ELAPOR2: variants seen among roughly 807,000 people sequenced by gnomAD.
ELAPOR2 encodes the protein endosome/lysosome-associated apoptosis and autophagy regulator family member 2.
In ELAPOR2, 89 loss-of-function variants were observed where a neutral mutation model predicts 120.7. The observed-to-expected ratio is 0.74, with a 90% confidence interval of 0.62 to 0.88. ELAPOR2 has a LOEUF of 0.88. ELAPOR2 is among the 40% of genes least tolerant of loss of function. The pLI is 0.00. For missense variants in ELAPOR2, 1,134 were observed against 1,251.6 expected, an observed-to-expected ratio of 0.91 and a Z score of 1.42; for synonymous variants, 444 against 444.9, an observed-to-expected ratio of 1.00 and a Z score of 0.03.
rs142964086 is a variant in ELAPOR2 at position 87,008,389 on chromosome 7, T to C, written c.190-43365A>G. 1.4e-4 allele frequency among the ~76,000 whole-genome samples: 22 copies of C among 152,314 alleles called. No individual in the cohort carries two copies. The East Asian group carries it at 3.9e-3, about 27-fold the overall frequency. The stretch of plus-strand genomic sequence containing the variant: ...ATGCAATGTGAGATCTTAGGCTGCA[T>C]CCTGGATTGGGGAGAAAATAGTTAT... On this transcript the variant is annotated intron_variant, in intron 1 of 21. Coordinates refer to ENST00000450689, the MANE Select transcript of ELAPOR2 (RefSeq NM_001142749.3).
chr7:86,920,541 G>C (rs944521331), intron 10 of ELAPOR2, among the ~76,000 whole-genome samples: 1 of 152,138 alleles, frequency 6.6e-6, no homozygotes, highest in Non-Finnish European at 1.5e-5. Flanking sequence ...CATGAGGAGG[G>C]ATAGAATAGC....
intron 1 of ELAPOR2, among the ~76,000 whole-genome samples, chr7:86,973,615 G>A (rs544209151): frequency 6.6e-6 from 1 of 152,264 alleles, no homozygotes; most frequent in African/African-American, 2.4e-5. Context: ...ACTCTGGTAA[G>A]TGTTCCTGCA....
chr7:86,892,326 C>G (rs547910781), intron 20 of ELAPOR2, among the ~76,000 whole-genome samples: 29 of 151,948 alleles, frequency 1.9e-4, no homozygotes, highest in Middle Eastern at 3.2e-3. Flanking sequence ...TACTATCACC[C>G]CAGATATTGC....
intron 1 of ELAPOR2, among the ~76,000 whole-genome samples, chr7:87,006,453 C>G (rs2116648388): frequency 6.6e-6 from 1 of 152,060 alleles, no homozygotes; most frequent in East Asian, 1.9e-4. Flanking sequence ...CAGCAAACCA[C>G]TATGGCACAT....
chr7:87,048,298 A>T (rs1795011607), intron 1 of ELAPOR2, among the ~76,000 whole-genome samples: 1 of 152,182 alleles, frequency 6.6e-6, no homozygotes, highest in South Asian at 2.1e-4. Flanking sequence ...CTATTCAGAC[A>T]TAAAAAAAGA....
At chr7:86,976,043 T>A (rs1583934124) in intron 1 of ELAPOR2, among the ~76,000 whole-genome samples, 1 of 152,248 alleles carries the variant, frequency 6.6e-6, no homozygotes, top group East Asian at 1.9e-4. Flanking sequence ...GATATCCATG[T>A]GCTTTTTTTC....
rs553742116 is a variant in ELAPOR2, at chr7:86,878,290, T to C, written c.*2181A>G. 1 of 152,322 alleles carries C rather than the reference T, an allele frequency of 6.6e-6. No individual in the cohort carries two copies. The highest frequency in any genetic ancestry group is 2.1e-4 in the South Asian group (1 of 4,830). 9.4% of individuals were successfully genotyped at this position (152,322 alleles called of 1,614,324 possible). On this transcript the variant is annotated 3_prime_UTR_variant, in exon 22 of 22. Transcript: ENST00000450689. ...TATTCTTTCTGTCATACTTCTTCAGTGCTTGAAATAAAATGACAAACCACT... is the reference window on the plus strand; with the variant it reads ...TATTCTTTCTGTCATACTTCTTCAGCGCTTGAAATAAAATGACAAACCACT...
intron 1 of ELAPOR2, among the ~76,000 whole-genome samples, chr7:86,990,009 A>C (rs1288102917): frequency 6.6e-6 from 1 of 151,552 alleles, no homozygotes; most frequent in Non-Finnish European, 1.5e-5. Flanking sequence ...CGCCTTTAAG[A>C]GGTGATTGGA....
chr7:87,034,304 A>G (rs893403436), intron 1 of ELAPOR2, among the ~76,000 whole-genome samples: 1 of 152,172 alleles, frequency 6.6e-6, no homozygotes, highest in African/African-American at 2.4e-5. Flanking sequence ...GAGTGAGTTA[A>G]TAAATAAAAA....
chr7:87,012,340 G>A (rs537591094), intron 1 of ELAPOR2, among the ~76,000 whole-genome samples: 50 of 152,268 alleles, frequency 3.3e-4, no homozygotes, highest in Non-Finnish European at 4.7e-4. Context: ...AACCCAGGAG[G>A]TGGAGGTTGC....
At chr7:86,982,596 G>A (rs1792546543) in intron 1 of ELAPOR2, among the ~76,000 whole-genome samples, 1 of 152,194 alleles carries the variant, frequency 6.6e-6, no homozygotes, top group Admixed American at 6.5e-5. Flanking sequence ...TGAGGGACCT[G>A]ACTGTTAGAA....
chr7:87,017,864 C>T lies in ELAPOR2; in HGVS notation c.189+41461G>A, dbSNP rs150865564. 2.7e-3 allele frequency among the ~76,000 whole-genome samples: 409 copies of T among 151,992 alleles called. 1 individual carries two copies. Among genetic ancestry groups the T allele is most frequent in the African/African-American group, 9.5e-3 (392 of 41,474 alleles). ...TGAGTCTGGGAGGCAGAGGTTGCAGCGACCCAGGATCTCACCACCTCATTC... is the reference window on the plus strand; with the variant it reads ...TGAGTCTGGGAGGCAGAGGTTGCAGTGACCCAGGATCTCACCACCTCATTC... On this transcript the variant is annotated intron_variant, in intron 1 of 21. Transcript: ENST00000450689.
At position 86,918,465 on chromosome 7, in the gene ELAPOR2, C is replaced by G; in HGVS notation, c.1570G>C (p.Asp524His). ...TFVFETLCSADCVLYFMVDIN... is the reference protein window; with the variant it reads ...TFVFETLCSAHCVLYFMVDIN... ...ACCACCATGAAGTACAAAACACAGT[C>G]AGCTGAACAGAGGGTCTCAAAGACA... Residue 524 changes from aspartate to histidine, a missense_variant, in exon 12 of 22, where the codon GAC (aspartate) becomes CAC (histidine). Transcript: ENST00000450689. 4 of 1,612,602 alleles carry G rather than the reference C, an allele frequency of 2.5e-6. No homozygotes were observed. The highest frequency in any genetic ancestry group is 1.1e-5 in the South Asian group (1 of 91,020).
At chr7:86,991,954 G>T (rs1236568079) in intron 1 of ELAPOR2, among the ~76,000 whole-genome samples, 2 of 152,240 alleles carry the variant, frequency 1.3e-5, no homozygotes, top group Non-Finnish European at 2.9e-5. Flanking sequence ...CTATAAAGAA[G>T]CCTGGGAAAG....
At chr7:86,881,188 T>C (rs1329164841) in intron 21 of ELAPOR2, among the ~76,000 whole-genome samples, 2 of 151,992 alleles carry the variant, frequency 1.3e-5, no homozygotes, top group African/African-American at 4.8e-5. Context: ...GGAGATGGGA[T>C]TTCTTCCAAC....
intron 12 of ELAPOR2, among the ~76,000 whole-genome samples, chr7:86,917,871 T>A (rs1416640346): frequency 6.6e-6 from 1 of 152,184 alleles, no homozygotes. Context: ...GTTAAACTCT[T>A]AGCCAACAAA....
At chr7:87,013,115 G>C (rs539395860) in intron 1 of ELAPOR2, among the ~76,000 whole-genome samples, 1 of 152,086 alleles carries the variant, frequency 6.6e-6, no homozygotes, top group Non-Finnish European at 1.5e-5. Context: ...ACAAAATGAA[G>C]ATAATATACC....
Position 86,925,639 on chromosome 7 carries a change from C to T in ELAPOR2, c.1288G>A (p.Ala430Thr). The T allele has an allele frequency of 6.2e-7, 1 of 1,611,700 alleles. No homozygotes were observed. ...DGTKECRPCP[A>T]GTEPALGFEY... is the part of the protein sequence containing the mutation. ...AAGCCAAGTGCAGGCTCCGTTCCTGCTGGACATGGTCTACATTCTACAGGA... is the reference window on the plus strand; with the variant it reads ...AAGCCAAGTGCAGGCTCCGTTCCTGTTGGACATGGTCTACATTCTACAGGA... Residue 430 changes from alanine to threonine, a missense_variant, in exon 10 of 22, where the codon GCA becomes ACA. By Grantham distance (58) the Ala-to-Thr change is moderately conservative. This residue lies in a region of ELAPOR2 where 831 missense variants were observed against 867.6 expected (regional missense o/e 0.96). Coordinates refer to ENST00000450689, the MANE Select transcript of ELAPOR2 (RefSeq NM_001142749.3).
intron 1 of ELAPOR2, among the ~76,000 whole-genome samples, chr7:87,014,686 C>A (rs1793813312): frequency 6.6e-6 from 1 of 152,038 alleles, no homozygotes; most frequent in African/African-American, 2.4e-5. Flanking sequence ...TTGATTTATA[C>A]AATCAACAAT....
Sources: allele counts gnomAD v4.1 joint callset (sites outside exome capture counted in the v4.1 genomes callset), GRCh38; gene constraint gnomAD v4.1.1; regional missense constraint gnomAD v4.1.1; transcripts MANE v1.5; gene names NCBI Gene and HGNC (gene_info 2026-07-23, HGNC 2026-07-21).